The following RAB27B variants were observed in gnomAD, a reference collection of about 807,000 sequenced individuals.
RAB27B encodes RAB27B, member RAS oncogene family.
In RAB27B, 15 loss-of-function variants were observed where a neutral mutation model predicts 24.6. The ratio of observed to expected loss-of-function variants is 0.61; its 90% CI spans 0.41 to 0.94. The LOEUF is 0.94. RAB27B is among the 40% of genes least tolerant of loss of function. RAB27B has a pLI of 0.00. For synonymous variants in RAB27B, 105 were observed against 92.5 expected (o/e 1.14, Z -0.78); for missense variants, 261 against 266.8 (o/e 0.98, Z 0.15).
intron 2 of RAB27B, among the ~76,000 whole-genome samples, chr18:54,741,513 A>G (rs1040205882): frequency 3.3e-5 from 5 of 151,824 alleles, no homozygotes; most frequent in Non-Finnish European, 7.4e-5. Flanking sequence ...TCTTTTTTTG[A>G]GACAGGGCCT....
At chr18:54,757,564 A>G (rs1035273553) in intron 2 of RAB27B, among the ~76,000 whole-genome samples, 1 of 152,190 alleles carries the variant, frequency 6.6e-6, no homozygotes, top group Non-Finnish European at 1.5e-5. Flanking sequence ...CCTCTTGTAT[A>G]TATAATGAAT....
At chr18:54,848,014 A>G (rs1203593399) in intron 1 of RAB27B, among the ~76,000 whole-genome samples, 1 of 152,238 alleles carries the variant, frequency 6.6e-6, no homozygotes, top group East Asian at 1.9e-4. Context: ...TGATGTTCAG[A>G]AAACGGAAGT....
chr18:54,832,805 C>T (rs1319392878), intron 1 of RAB27B, among the ~76,000 whole-genome samples: 1 of 152,000 alleles, frequency 6.6e-6, no homozygotes, highest in Non-Finnish European at 1.5e-5. Context: ...GAGATGAGGA[C>T]AGAGAAGTGA....
intron 2 of RAB27B, among the ~76,000 whole-genome samples, chr18:54,743,063 G>A (rs963015383): frequency 6.6e-6 from 1 of 152,194 alleles, no homozygotes; most frequent in Admixed American, 6.5e-5. Flanking sequence ...TCCTGGTCCT[G>A]TATAACATAA....
At chr18:54,804,946 CT>C (rs1157221329) in intron 2 of RAB27B, among the ~76,000 whole-genome samples, 1 of 127,430 alleles carries the variant, frequency 7.8e-6, no homozygotes, top group Non-Finnish European at 1.6e-5. Context: ...TTCTTTCTTT[CT>C]TTCTTTCTCT....
intron 2 of RAB27B, among the ~76,000 whole-genome samples, chr18:54,764,470 G>A (rs781553130): frequency 9.9e-5 from 15 of 152,010 alleles, no homozygotes; most frequent in Non-Finnish European, 1.8e-4. Context: ...CACTTTTCTC[G>A]TCTGCACAAT....
chr18:54,785,436 G>GTT (rs59750951), intron 2 of RAB27B, among the ~76,000 whole-genome samples: 4,160 of 101,354 alleles, frequency 0.041, 120 homozygotes, highest in African/African-American at 0.046. Flanking sequence ...CCTTCCTCAG[G>GTT]TTTTTTTTTT....
chr18:54,785,961 G>A (rs1238664490), intron 2 of RAB27B, among the ~76,000 whole-genome samples: 1 of 152,176 alleles, frequency 6.6e-6, no homozygotes, highest in Non-Finnish European at 1.5e-5. Flanking sequence ...TTGGAAATGG[G>A]TGCAAAACTA....
chr18:54,863,977 T>G (rs74457324), intron 1 of RAB27B, among the ~76,000 whole-genome samples: 2 of 152,208 alleles, frequency 1.3e-5, no homozygotes, highest in South Asian at 4.1e-4. Flanking sequence ...TGAGCATTCA[T>G]GTACAAATCT....
At position 54,775,004 on chromosome 18, in the gene RAB27B, AG is replaced by A. The variant is rs1908672834; in HGVS notation, c.-20+56864del. ...TGGATGAATGAATAAACACAAAAAA[AG>A]CCTGTGTGCTGTCGGGAGCTATCAG... On this transcript the variant is annotated intron_variant, in intron 2 of 4. Coordinates refer to the RAB27B transcript ENST00000586570. Among the ~76,000 whole-genome samples the A allele has an allele frequency of 2.0e-5, 3 of 152,334 alleles. No individual in the cohort carries two copies. The South Asian group carries it at 6.2e-4, about 32-fold the overall frequency.
chr18:54,865,104 A>G (rs1208037448), intron 1 of RAB27B, among the ~76,000 whole-genome samples: 2 of 152,182 alleles, frequency 1.3e-5, no homozygotes, highest in Admixed American at 6.5e-5. Flanking sequence ...TGTGTTATAT[A>G]TGATTAAATA....
chr18:54,883,811 A>G (rs967832893), intron 3 of RAB27B, among the ~76,000 whole-genome samples: 3 of 152,266 alleles, frequency 2.0e-5, no homozygotes, highest in Admixed American at 1.3e-4. Context: ...ACCCCCAAAC[A>G]GTGCTTTTTG....
intron 1 of RAB27B, among the ~76,000 whole-genome samples, chr18:54,872,673 CT>C (rs1423070715): frequency 6.6e-6 from 1 of 151,520 alleles, no homozygotes. Context: ...GAAGCTAGAC[CT>C]GGAAAGCAAT....
intron 2 of RAB27B, among the ~76,000 whole-genome samples, chr18:54,810,380 A>G (rs1909923857): frequency 6.6e-6 from 1 of 151,936 alleles, no homozygotes; most frequent in Non-Finnish European, 1.5e-5. Flanking sequence ...CAACCCTATA[A>G]AGTAGTTATT....
In RAB27B at chr18:54,760,396, TGGG is replaced by T. The variant is rs781131289; in HGVS notation, c.-20+42257_-20+42259del. ...AGGTAGAGGATGTAGGGGAGGGAGG[TGGG>T]GATGTAGCTTATAGACAACTTGAAA... is the stretch of plus-strand genomic sequence containing the variant. On this transcript the variant is annotated intron_variant, in intron 2 of 4. Coordinates refer to the RAB27B transcript ENST00000586570. Among the ~76,000 whole-genome samples the T allele has an allele frequency of 3.3e-5, 5 of 151,914 alleles. No homozygotes were observed. In the East Asian group the frequency reaches 9.7e-4, roughly 29 times the overall value.
At chr18:54,809,156 C>T (rs1415916427) in intron 2 of RAB27B, among the ~76,000 whole-genome samples, 2 of 152,176 alleles carry the variant, frequency 1.3e-5, no homozygotes, top group Admixed American at 6.5e-5. Context: ...CATTGACACC[C>T]TCCCACCTTG....
intron 1 of RAB27B, among the ~76,000 whole-genome samples, chr18:54,836,105 G>C (rs1290124869): frequency 1.3e-5 from 2 of 151,958 alleles, no homozygotes; most frequent in East Asian, 3.8e-4. Flanking sequence ...TGCAGGCTTT[G>C]TGTCCTTTGT....
At chr18:54,810,720 C>T (rs1352668460) in intron 2 of RAB27B, among the ~76,000 whole-genome samples, 1 of 151,872 alleles carries the variant, frequency 6.6e-6, no homozygotes, top group African/African-American at 2.4e-5. Flanking sequence ...ATCTCAGCTG[C>T]TTGGGAGGCT....
chr18:54,863,035 T>A (rs1912068351), intron 1 of RAB27B, among the ~76,000 whole-genome samples: 1 of 152,210 alleles, frequency 6.6e-6, no homozygotes, highest in African/African-American at 2.4e-5. Context: ...AACCAGATTT[T>A]GAGGAGGAAT....
Sources: gnomAD v4.1 joint callset for allele counts (sites outside exome capture counted in the v4.1 genomes callset) on GRCh38, gnomAD v4.1.1 for gene constraint, MANE v1.5 for transcripts, NCBI Gene and HGNC (gene_info 2026-07-23, HGNC 2026-07-21) for gene names.